HIP1: variants seen among roughly 807,000 people sequenced by gnomAD.
HIP1 encodes huntingtin-interacting protein 1.
A neutral mutation model predicts 147.6 loss-of-function variants in HIP1; 65 were observed. That is an observed-to-expected ratio of 0.44 (90% CI 0.36 to 0.54). The LOEUF (loss-of-function observed/expected upper bound fraction) is 0.54, where lower values mean the gene tolerates loss of function less well. Ranked by LOEUF, HIP1 falls within the 20% of genes least tolerant of loss-of-function variation. The probability of loss-of-function intolerance (pLI) is 0.00; values close to 1 mark genes in which losing one functional copy is unlikely to be tolerated. For synonymous variants in HIP1, 479 were observed against 504.0 expected, an observed-to-expected ratio of 0.95 and a Z score of 0.67; for missense variants, 1,061 against 1,299.6, an observed-to-expected ratio of 0.82 and a Z score of 2.82.
intron 21 of HIP1, 90 bp from the exon 22 acceptor site, chr7:75,553,679 C>T: frequency 8.1e-7 from 1 of 1,235,426 alleles, no homozygotes. Flanking sequence ...CATCTCGGCT[C>T]ACTGCAAACT....
intron 1 of HIP1, among the ~76,000 whole-genome samples, chr7:75,693,919 C>CGTTTTTTT (rs1800541474): frequency 3.5e-5 from 4 of 114,874 alleles, no homozygotes; most frequent in Non-Finnish European, 6.7e-5. Flanking sequence ...ATTCTCTTTT[C>CGTTTTTTT]TTTTTTTTTT....
chr7:75,595,660 T>TA (rs1554501857), intron 2 of HIP1, among the ~76,000 whole-genome samples: 1 of 151,990 alleles, frequency 6.6e-6, no homozygotes, highest in Non-Finnish European at 1.5e-5. Context: ...TAGGAGCGAT[T>TA]TCTGAAATAA....
intron 1 of HIP1, among the ~76,000 whole-genome samples, chr7:75,637,882 C>T (rs1373053329): frequency 1.3e-5 from 2 of 151,450 alleles, no homozygotes; most frequent in Non-Finnish European, 2.9e-5. Context: ...TTGGTTGCCT[C>T]GAAAGGGCAC....
chr7:75,729,848 C>G (rs1801777107), intron 1 of HIP1, among the ~76,000 whole-genome samples: 1 of 152,092 alleles, frequency 6.6e-6, no homozygotes, highest in Admixed American at 6.5e-5. Context: ...CTGTCCAGAA[C>G]AGGTGATTTA....
At chr7:75,724,885 C>T (rs1297994932) in intron 1 of HIP1, among the ~76,000 whole-genome samples, 1 of 152,142 alleles carries the variant, frequency 6.6e-6, no homozygotes, top group African/African-American at 2.4e-5. Flanking sequence ...ATAAATCAAA[C>T]GCTCCCCAAT....
chr7:75,595,240 CTTT>C (rs1796669450), intron 2 of HIP1, among the ~76,000 whole-genome samples: 109 of 115,994 alleles, frequency 9.4e-4, no homozygotes, highest in African/African-American at 3.9e-3. Context: ...TTCTTTCTTT[CTTT>C]CTTTCTTTCT....
intron 25 of HIP1, among the ~76,000 whole-genome samples, chr7:75,545,705 C>G (rs1197028822): frequency 2.0e-5 from 3 of 151,874 alleles, no homozygotes; most frequent in Admixed American, 6.6e-5. Context: ...CAGCACTTTG[C>G]GAGGCCAAGG....
chr7:75,630,235 T>C (rs1429360978), intron 1 of HIP1, among the ~76,000 whole-genome samples: 3 of 151,962 alleles, frequency 2.0e-5, no homozygotes. Flanking sequence ...AAGGCGGGCA[T>C]ATCTCTTGAG....
At chr7:75,634,271 A>C (rs868942079) in intron 1 of HIP1, among the ~76,000 whole-genome samples, 18 of 151,450 alleles carry the variant, frequency 1.2e-4, no homozygotes, top group African/African-American at 4.1e-4. Context: ...AAAAAAAAAA[A>C]CCAACAAAAA....
chr7:75,630,122 C>T (rs1316303682), intron 1 of HIP1, among the ~76,000 whole-genome samples: 3 of 150,420 alleles, frequency 2.0e-5, no homozygotes, highest in Non-Finnish European at 3.0e-5. Flanking sequence ...TGGAATTGCA[C>T]CACTGCATTC....
At chr7:75,632,966 T>G (rs1584902750) in intron 1 of HIP1, among the ~76,000 whole-genome samples, 1 of 152,158 alleles carries the variant, frequency 6.6e-6, no homozygotes, top group East Asian at 1.9e-4. Flanking sequence ...TGAGAACACA[T>G]GGACACGTGG....
At chr7:75,614,388 C>T (rs1797559093) in intron 1 of HIP1, among the ~76,000 whole-genome samples, 1 of 151,866 alleles carries the variant, frequency 6.6e-6, no homozygotes, top group Non-Finnish European at 1.5e-5. Context: ...CACACACACA[C>T]ATAGACACAC....
At chr7:75,634,867 G>T (rs587708483) in intron 1 of HIP1, among the ~76,000 whole-genome samples, 1 of 147,754 alleles carries the variant, frequency 6.8e-6, no homozygotes, top group Admixed American at 6.9e-5. Flanking sequence ...TTCAGCCCAG[G>T]AGTTCGAGGC....
chr7:75,605,563 T>C (rs782024117), intron 1 of HIP1, among the ~76,000 whole-genome samples: 1 of 152,152 alleles, frequency 6.6e-6, no homozygotes, highest in South Asian at 2.1e-4. Flanking sequence ...GACGGAGTCT[T>C]GCCCTGTCGC....
In HIP1 at chr7:75,592,372, G is replaced by T. The variant is rs782756151; in HGVS notation, c.327C>A (p.Asn109Lys). The change falls in exon 3 of 31, where the codon AAC (asparagine) becomes AAA (lysine). Residue 109 changes from asparagine to lysine, a missense_variant and splice_region_variant. Asn to Lys is a moderately conservative substitution (Grantham distance 94). Transcript: ENST00000336926. ...FHKLLRDGHP[N>K]VLKDSLRYRN... ...CCACCCCATAGCCCCAGGAACTCACGTTCGGGTGTCCATCTCGGAGGAGTT... is the reference window on the plus strand; with the variant it reads ...CCACCCCATAGCCCCAGGAACTCACTTTCGGGTGTCCATCTCGGAGGAGTT... 5 of 1,604,376 alleles carry T rather than the reference G, an allele frequency of 3.1e-6. 1 individual carries two copies. The Middle Eastern group carries it at 8.3e-4, about 267-fold the overall frequency.
At chr7:75,661,780 A>G (rs1554513633) in intron 1 of HIP1, among the ~76,000 whole-genome samples, 2 of 151,848 alleles carry the variant, frequency 1.3e-5, no homozygotes, top group Non-Finnish European at 2.9e-5. Context: ...CCTAAGTCCA[A>G]ATGTGTGCCT....
At chr7:75,609,087 G>A (rs1554504366) in intron 1 of HIP1, among the ~76,000 whole-genome samples, 1 of 152,204 alleles carries the variant, frequency 6.6e-6, no homozygotes, top group Non-Finnish European at 1.5e-5. Flanking sequence ...GTGGAAAGAA[G>A]TTTCTTCCTA....
intron 9 of HIP1, chr7:75,563,513 A>C (rs1007553947): frequency 5.5e-5 from 28 of 512,252 alleles, no homozygotes; most frequent in African/African-American, 5.0e-4. Context: ...ATAATCAAAA[A>C]GCTAATTTCT....
chr7:75,550,711 G>A (rs1794750077), intron 22 of HIP1, among the ~76,000 whole-genome samples: 1 of 152,014 alleles, frequency 6.6e-6, no homozygotes, highest in South Asian at 2.1e-4. Context: ...ACTATGCCTG[G>A]CCTGTCTTAT....
Sources: gnomAD v4.1 joint callset for allele counts (sites outside exome capture counted in the v4.1 genomes callset) on GRCh38, gnomAD v4.1.1 for gene constraint, MANE v1.5 for transcripts, NCBI Gene and HGNC (gene_info 2026-07-23, HGNC 2026-07-21) for gene names.